The following NRXN1 variants were observed in gnomAD, a reference collection of about 807,000 sequenced individuals.
NRXN1 encodes the protein neurexin 1.
Under a neutral mutation model 150.9 loss-of-function variants are expected in NRXN1, and 39 were observed. The ratio of observed to expected loss-of-function variants is 0.26; its 90% confidence interval spans 0.20 to 0.34. The LOEUF (loss-of-function observed/expected upper bound fraction) is 0.34. NRXN1 is among the 10% of genes least tolerant of loss of function. The pLI is 1.00. For missense variants in NRXN1, 1,815 were observed against 1,949.9 expected, an observed-to-expected ratio of 0.93 and a Z score of 1.30; for synonymous variants, 924 against 757.0, an observed-to-expected ratio of 1.22 and a Z score of -3.62.
intron 5 of NRXN1, among the ~76,000 whole-genome samples, chr2:50,729,559 G>A (rs559242458): frequency 9.2e-5 from 14 of 152,292 alleles, no homozygotes; most frequent in Admixed American, 5.2e-4. Flanking sequence ...GGTCTTCTGA[G>A]GGTAGTTGAT....
At chr2:50,996,326 C>A (rs1414128290) in intron 2 of NRXN1, among the ~76,000 whole-genome samples, 2 of 152,046 alleles carry the variant, frequency 1.3e-5, no homozygotes, top group Non-Finnish European at 2.9e-5. Flanking sequence ...CCAGGAATAG[C>A]TCAGATAGAA....
At chr2:49,963,661 A>G (rs1377603603) in intron 21 of NRXN1, among the ~76,000 whole-genome samples, 1 of 152,198 alleles carries the variant, frequency 6.6e-6, no homozygotes, top group East Asian at 1.9e-4. Flanking sequence ...ACAGAACAGA[A>G]ATGTGCCGTT....
At chr2:50,821,008 T>C (rs997321612) in intron 5 of NRXN1, among the ~76,000 whole-genome samples, 1 of 152,180 alleles carries the variant, frequency 6.6e-6, no homozygotes, top group African/African-American at 2.4e-5. Context: ...GTGTGAGATT[T>C]CCATATATGC....
chr2:50,412,986 G>T (rs2083296147), intron 17 of NRXN1, among the ~76,000 whole-genome samples: 1 of 152,074 alleles, frequency 6.6e-6, no homozygotes, highest in Non-Finnish European at 1.5e-5. Context: ...ATTACTACAA[G>T]AAAACACTGG....
chr2:49,968,599 CTG>C (rs1677373538), intron 21 of NRXN1, among the ~76,000 whole-genome samples: 1 of 151,962 alleles, frequency 6.6e-6, no homozygotes, highest in Non-Finnish European at 1.5e-5. Context: ...TGTAGCCTAC[CTG>C]ATTTGACCTG....
At chr2:50,308,273 T>C (rs2074829989) in intron 17 of NRXN1, among the ~76,000 whole-genome samples, 1 of 152,156 alleles carries the variant, frequency 6.6e-6, no homozygotes, top group Admixed American at 6.6e-5. Context: ...CCCACCTCCC[T>C]GACCCTGCTA....
intron 5 of NRXN1, among the ~76,000 whole-genome samples, chr2:50,864,245 T>G (rs1574751820): frequency 6.6e-6 from 1 of 151,988 alleles, no homozygotes; most frequent in East Asian, 1.9e-4. Context: ...GGTACTGTGC[T>G]AGGTATACAG....
chr2:50,349,468 T>G (rs2078262981), intron 17 of NRXN1, among the ~76,000 whole-genome samples: 1 of 152,248 alleles, frequency 6.6e-6, no homozygotes. Context: ...CAGTATGTTT[T>G]CAGGACTGCA....
At chr2:50,440,786 C>T (rs2085884477) in intron 17 of NRXN1, among the ~76,000 whole-genome samples, 2 of 152,152 alleles carry the variant, frequency 1.3e-5, no homozygotes, top group Non-Finnish European at 1.5e-5. Context: ...TGAAAAGGTG[C>T]ACATAACTTT....
intron 21 of NRXN1, among the ~76,000 whole-genome samples, chr2:49,994,588 T>G (rs1682600556): frequency 6.6e-6 from 1 of 151,992 alleles, no homozygotes. Context: ...GATCACATGG[T>G]CACAACCTAC....
chr2:49,977,960 G>A (rs1310440106), intron 21 of NRXN1, among the ~76,000 whole-genome samples: 1 of 151,970 alleles, frequency 6.6e-6, no homozygotes, highest in African/African-American at 2.4e-5. Flanking sequence ...TCAGGAGATT[G>A]ACACCATCCT....
intron 18 of NRXN1, among the ~76,000 whole-genome samples, chr2:50,224,147 C>G (rs185392813): frequency 6.6e-6 from 1 of 152,080 alleles, no homozygotes; most frequent in Admixed American, 6.6e-5. Context: ...ACTACAAAGA[C>G]TCACTGGTTT....
chr2:50,531,428 C>T lies in NRXN1; in HGVS notation c.2146G>A (p.Ala716Thr), dbSNP rs2093106127. Residue 716 changes from alanine (A) to threonine (T), a missense_variant and splice_region_variant, in exon 11 of 23, where the codon GCA (alanine) becomes ACA (threonine). Physicochemically the swap from Ala to Thr is moderately conservative, Grantham distance 58. Around this residue, in one of 6 missense-constraint regions of NRXN1, gnomAD observed 638 missense variants for 652.6 expected, o/e 0.98. Transcript: ENST00000401669. ...GYLGRSCERE[A>T]TVLSYDGSMF... is the part of the protein sequence containing the mutation. ...CTCCCATCATAGCTCAAAACCGTTG[C>T]CTCTAGAGATGGAAAATGAATATGA... 5 of 1,608,632 alleles carry T rather than the reference C, an allele frequency of 3.1e-6. No individual in the cohort carries two copies. Among genetic ancestry groups the T allele is most frequent in the Non-Finnish European group, 3.4e-6 (4 of 1,177,194 alleles).
intron 8 of NRXN1, among the ~76,000 whole-genome samples, chr2:50,609,575 T>G (rs1455617606): frequency 2.0e-5 from 3 of 152,046 alleles, no homozygotes; most frequent in Non-Finnish European, 4.4e-5. Flanking sequence ...CACAGAAACA[T>G]CAACTATCTT....
intron 17 of NRXN1, among the ~76,000 whole-genome samples, chr2:50,352,934 C>T (rs1278290256): frequency 2.0e-5 from 3 of 151,800 alleles, no homozygotes; most frequent in African/African-American, 4.8e-5. Context: ...ACTTTCACCT[C>T]CAACCACCGA....
intron 8 of NRXN1, among the ~76,000 whole-genome samples, chr2:50,558,777 A>C (rs1471609917): frequency 6.6e-6 from 1 of 152,150 alleles, no homozygotes; most frequent in African/African-American, 2.4e-5. Flanking sequence ...GACCAAGTGA[A>C]GGCCGAGCGC....
intron 19 of NRXN1, among the ~76,000 whole-genome samples, chr2:50,069,733 A>G: frequency 6.6e-6 from 1 of 151,662 alleles, no homozygotes; most frequent in African/African-American, 2.4e-5. Context: ...ACCTCTTATC[A>G]CTGAGACATT....
At chr2:50,481,365 A>G (rs1358723911) in intron 15 of NRXN1, among the ~76,000 whole-genome samples, 1 of 152,252 alleles carries the variant, frequency 6.6e-6, no homozygotes, top group African/African-American at 2.4e-5. Flanking sequence ...TCTGCATAAT[A>G]ATGGAGTAAT....
intron 5 of NRXN1, among the ~76,000 whole-genome samples, chr2:50,904,456 G>T (rs1457086836): frequency 6.6e-6 from 1 of 152,050 alleles, no homozygotes; most frequent in Admixed American, 6.6e-5. Context: ...TGGTAAAATG[G>T]TTCTCTTCTA....
Sources: gnomAD v4.1 joint callset for allele counts (sites outside exome capture counted in the v4.1 genomes callset) on GRCh38, gnomAD v4.1.1 for gene constraint, gnomAD v4.1.1 regional missense constraint, MANE v1.5 for transcripts, NCBI Gene and HGNC (gene_info 2026-07-23, HGNC 2026-07-21) for gene names.